VOPP1: variants seen among roughly 807,000 people sequenced by gnomAD.
VOPP1 encodes VOPP1 WW domain binding protein.
A neutral mutation model predicts 23.5 loss-of-function variants in VOPP1; 8 were observed. The ratio of observed to expected loss-of-function variants is 0.34; its 90% CI spans 0.20 to 0.61. The LOEUF (loss-of-function observed/expected upper bound fraction) is 0.61, where lower values mean the gene tolerates loss of function less well. Among genes scored for constraint, VOPP1 ranks in the 20% least tolerant of loss-of-function variants. VOPP1 has a pLI of 0.78. For synonymous variants in VOPP1, 83 were observed against 97.3 expected (o/e 0.85, Z 0.86); for missense variants, 174 against 238.1 (o/e 0.73, Z 1.77).
chr7:55,482,179 C>T (rs147898512), intron 4 of VOPP1, among the ~76,000 whole-genome samples: 1,787 of 151,688 alleles, frequency 0.012, 12 homozygotes, highest in Middle Eastern at 0.021. Context: ...TCTCAAAGAA[C>T]ACGCAAAAAA....
chr7:55,517,576 T>A (rs1044815225), intron 2 of VOPP1, among the ~76,000 whole-genome samples: 39 of 152,122 alleles, frequency 2.6e-4, no homozygotes, highest in African/African-American at 8.9e-4. Flanking sequence ...CTGGGCTGGA[T>A]GTGAGTCTCC....
intron 4 of VOPP1, among the ~76,000 whole-genome samples, chr7:55,481,064 C>A (rs1308546048): frequency 1.3e-5 from 2 of 152,164 alleles, no homozygotes; most frequent in Non-Finnish European, 2.9e-5. Context: ...AGGTGAAGGA[C>A]CTCAAGGAAA....
chr7:55,520,926 C>T, intron 2 of VOPP1, 146 bp downstream of exon 2: 1 of 769,452 alleles, frequency 1.3e-6, no homozygotes. Flanking sequence ...GTCACCTGCT[C>T]ATCCCCCAGT....
intron 4 of VOPP1, among the ~76,000 whole-genome samples, chr7:55,490,968 A>G (rs1793521831): frequency 6.6e-6 from 1 of 152,260 alleles, no homozygotes; most frequent in African/African-American, 2.4e-5. Context: ...TCTTGATAAC[A>G]GCCTGTTCTC....
intron 1 of VOPP1, among the ~76,000 whole-genome samples, chr7:55,533,799 C>T (rs1004728379): frequency 6.6e-6 from 1 of 152,178 alleles, no homozygotes; most frequent in Non-Finnish European, 1.5e-5. Context: ...GGGTGAACTT[C>T]GATGATGTTG....
rs1359994305 is a variant in VOPP1, at chr7:55,572,316, G to A, written c.9C>T (p.Arg3=). ...GCAGCGCCGCCACCTTCGCAGGCTG[G>A]CGCCTCATGGCTCCTCGCGTCCTCT... MR[R]QPAKVAALLL... is the part of the protein sequence containing the mutation. Residue 3 remains arginine, a synonymous_variant, in exon 1 of 5, where the codon CGC becomes CGT. Transcript: ENST00000285279. 3 of 1,495,508 alleles carry A rather than the reference G, an allele frequency of 2.0e-6. No homozygotes were observed. Among genetic ancestry groups the A allele is most frequent in the Non-Finnish European group, 2.7e-6 (3 of 1,130,202 alleles). The allele number at this position is 1,495,508 out of a possible 1,614,324, so 92.6% of individuals were successfully genotyped here.
At chr7:55,551,481 G>A (rs956636768) in intron 1 of VOPP1, among the ~76,000 whole-genome samples, 4 of 152,150 alleles carry the variant, frequency 2.6e-5, no homozygotes, top group East Asian at 3.8e-4. Context: ...CCCATCAGAC[G>A]CAAATAATTA....
intron 4 of VOPP1, among the ~76,000 whole-genome samples, chr7:55,480,364 T>C (rs766423915): frequency 1.3e-5 from 2 of 152,216 alleles, no homozygotes; most frequent in African/African-American, 2.4e-5. Context: ...GATTTTCCAA[T>C]TCATGAATAC....
At chr7:55,509,315 C>G (rs891566230) in intron 2 of VOPP1, among the ~76,000 whole-genome samples, 1 of 152,174 alleles carries the variant, frequency 6.6e-6, no homozygotes, top group African/African-American at 2.4e-5. Context: ...ATTGATTGCT[C>G]ATAGTTCTGG....
chr7:55,485,789 T>C (rs370343172), intron 4 of VOPP1, among the ~76,000 whole-genome samples: 66 of 152,348 alleles, frequency 4.3e-4, no homozygotes, highest in African/African-American at 1.4e-3. Flanking sequence ...CAGACCTCAT[T>C]GCAACAAGGG....
chr7:55,541,802 G>A (rs1797143279), intron 1 of VOPP1, among the ~76,000 whole-genome samples: 1 of 152,142 alleles, frequency 6.6e-6, no homozygotes, highest in African/African-American at 2.4e-5. Flanking sequence ...CACAAGAGAA[G>A]CCCGTCCTAA....
intron 1 of VOPP1, among the ~76,000 whole-genome samples, chr7:55,531,667 T>G (rs1311696195): frequency 1.3e-5 from 2 of 152,174 alleles, no homozygotes; most frequent in African/African-American, 2.4e-5. Context: ...CATCTTTTTT[T>G]GATGTAATTG....
intron 4 of VOPP1, among the ~76,000 whole-genome samples, chr7:55,487,681 T>C (rs1793242932): frequency 6.6e-6 from 1 of 152,248 alleles, no homozygotes; most frequent in Non-Finnish European, 1.5e-5. Flanking sequence ...AACTGCACCT[T>C]GATGGTCTTG....
chr7:55,549,110 G>A (rs1360043225), intron 1 of VOPP1, among the ~76,000 whole-genome samples: 9 of 152,176 alleles, frequency 5.9e-5, no homozygotes. Flanking sequence ...CTTGCCAACA[G>A]ACAATGGGCA....
At chr7:55,447,936 T>C (rs1264492664) in intron 4 of VOPP1, among the ~76,000 whole-genome samples, 1 of 152,220 alleles carries the variant, frequency 6.6e-6, no homozygotes, top group Non-Finnish European at 1.5e-5. Context: ...TCATTATAAT[T>C]ACAACTCATT....
At chr7:55,473,664 G>A (rs113705823) in intron 4 of VOPP1, among the ~76,000 whole-genome samples, 1,827 of 152,308 alleles carry the variant, frequency 0.012, 13 homozygotes, top group Admixed American at 0.021. Context: ...CTGGACACCC[G>A]ACCCCAAATC....
At chr7:55,445,297 A>G (rs894603013) in intron 4 of VOPP1, among the ~76,000 whole-genome samples, 1 of 151,980 alleles carries the variant, frequency 6.6e-6, no homozygotes, top group African/African-American at 2.4e-5. Flanking sequence ...ACACACAGAC[A>G]CACATACCTG....
chr7:55,537,353 C>A, intron 1 of VOPP1: 1 of 1,109,274 alleles, frequency 9.0e-7, no homozygotes, highest in South Asian at 1.4e-5. Flanking sequence ...CTGGAGCAAG[C>A]AGAGGCCAAC....
intron 2 of VOPP1, among the ~76,000 whole-genome samples, chr7:55,519,800 C>A (rs1463442050): frequency 6.6e-6 from 1 of 152,242 alleles, no homozygotes; most frequent in African/African-American, 2.4e-5. Context: ...CACAGATACA[C>A]AGCCCTTCCC....
Sources: gnomAD v4.1 joint callset for allele counts (sites outside exome capture counted in the v4.1 genomes callset) on GRCh38, gnomAD v4.1.1 for gene constraint, MANE v1.5 for transcripts, NCBI Gene and HGNC (gene_info 2026-07-23, HGNC 2026-07-21) for gene names.